The following CSMD2 variants were observed in gnomAD, a reference collection of about 807,000 sequenced individuals.
CSMD2 encodes CUB and sushi domain-containing protein 2.
Under a neutral mutation model 398.5 loss-of-function variants are expected in CSMD2, and 130 were observed. That is an observed-to-expected ratio of 0.33 (90% CI 0.28 to 0.38). The LOEUF is 0.38. CSMD2 is among the 10% of genes least tolerant of loss of function. CSMD2 has a pLI of 1.00. For synonymous variants in CSMD2, 1,828 were observed against 1,908.5 expected, an observed-to-expected ratio of 0.96 and a Z score of 1.10; for missense variants, 3,829 against 4,764.9, an observed-to-expected ratio of 0.80 and a Z score of 5.78.
In CSMD2 at chr1:33,698,827, A is replaced by G. The variant is rs752766843; in HGVS notation, c.3851T>C (p.Leu1284Pro). ...VSFSCDPGYSLRGSEELLCLS... is the reference protein window; with the variant it reads ...VSFSCDPGYSPRGSEELLCLS... The stretch of plus-strand genomic sequence containing the variant: ...ACACAGCAGCTCCTCACTACCCCGC[A>G]GGCTGTATCCAGGGTCACAGCTGAA... The change falls in exon 24 of 71, where the codon CTG becomes CCG. Residue 1284 changes from leucine to proline, a missense_variant. Physicochemically the swap from Leu to Pro is moderately conservative, Grantham distance 98. Around this residue, in one of 5 missense-constraint regions of CSMD2, gnomAD observed 2,001 missense variants for 2,567.1 expected, o/e 0.78. Transcript: ENST00000373381. 1 of 1,614,210 alleles carries G rather than the reference A, an allele frequency of 6.2e-7. No individual in the cohort carries two copies. The highest frequency in any genetic ancestry group is 1.7e-5 in the Admixed American group (1 of 60,020).
At chr1:33,891,600 G>A (rs1227750920) in intron 5 of CSMD2, among the ~76,000 whole-genome samples, 5 of 151,630 alleles carry the variant, frequency 3.3e-5, no homozygotes, top group East Asian at 1.9e-4. Context: ...ACATGCACAC[G>A]TATGTTTATT....
At chr1:33,712,333 C>T (rs1646020305) in intron 21 of CSMD2, among the ~76,000 whole-genome samples, 1 of 152,110 alleles carries the variant, frequency 6.6e-6, no homozygotes, top group Admixed American at 6.5e-5. Context: ...TCCCCGCCAC[C>T]CACGTCACAC....
intron 5 of CSMD2, among the ~76,000 whole-genome samples, chr1:33,909,062 C>T (rs373588453): frequency 7.2e-5 from 11 of 152,290 alleles, no homozygotes; most frequent in South Asian, 4.1e-4. Flanking sequence ...GGGCCTTATT[C>T]GCTTACCAGC....
chr1:33,847,191 T>A (rs1030240508), intron 5 of CSMD2, among the ~76,000 whole-genome samples, 195 bp from the exon 6 acceptor site: 1 of 152,130 alleles, frequency 6.6e-6, no homozygotes, highest in African/African-American at 2.4e-5. Context: ...CTCCAGGGTC[T>A]CATCCCACTG....
At chr1:33,527,437 T>G (rs975637287) in intron 64 of CSMD2, among the ~76,000 whole-genome samples, 179 bp from the exon 65 acceptor site, 1 of 152,208 alleles carries the variant, frequency 6.6e-6, no homozygotes, top group Admixed American at 6.5e-5. Context: ...TATGGATCCC[T>G]CTCAGAATAA....
intron 12 of CSMD2, among the ~76,000 whole-genome samples, chr1:33,781,783 T>C (rs1652799401): frequency 6.6e-6 from 1 of 152,224 alleles, no homozygotes; most frequent in Non-Finnish European, 1.5e-5. Context: ...CTTGTTCTAC[T>C]GGGAAGCAAA....
At chr1:33,517,247 G>A (rs976803681) in intron 70 of CSMD2, among the ~76,000 whole-genome samples, 9 of 152,200 alleles carry the variant, frequency 5.9e-5, no homozygotes, top group Non-Finnish European at 2.9e-5. Flanking sequence ...GGGCAGAAGT[G>A]GTCAGAGGGG....
At chr1:33,946,223 C>G (rs1644832663) in intron 3 of CSMD2, among the ~76,000 whole-genome samples, 1 of 152,138 alleles carries the variant, frequency 6.6e-6, no homozygotes, top group African/African-American at 2.4e-5. Context: ...GAACTTTACT[C>G]TCAGTAATGC....
intron 10 of CSMD2, among the ~76,000 whole-genome samples, chr1:33,808,011 T>G (rs34615217): frequency 6.6e-6 from 1 of 151,886 alleles, no homozygotes; most frequent in African/African-American, 2.4e-5. Flanking sequence ...AAAACATTAC[T>G]ACAGATAAAG....
At chr1:33,538,143 T>C (rs929506193) in intron 60 of CSMD2, among the ~76,000 whole-genome samples, 8 of 152,270 alleles carry the variant, frequency 5.3e-5, no homozygotes, top group African/African-American at 1.9e-4. Flanking sequence ...TTTTCTATTA[T>C]ACAGTTATAT....
At chr1:34,111,095 C>T (rs1661035465) in intron 1 of CSMD2, among the ~76,000 whole-genome samples, 2 of 152,168 alleles carry the variant, frequency 1.3e-5, no homozygotes, top group African/African-American at 4.8e-5. Flanking sequence ...ATTTACTTCA[C>T]AAGAGAAAGG....
chr1:33,555,478 G>A (rs1037875126), intron 55 of CSMD2, among the ~76,000 whole-genome samples: 24 of 152,336 alleles, frequency 1.6e-4, no homozygotes, highest in African/African-American at 5.8e-4. Flanking sequence ...TGAGAAGACT[G>A]ACTGCAATTT....
At chr1:33,520,365 C>T (rs1218972500) in intron 68 of CSMD2, among the ~76,000 whole-genome samples, 1 of 152,196 alleles carries the variant, frequency 6.6e-6, no homozygotes, top group African/African-American at 2.4e-5. Flanking sequence ...GAAGCTGAAG[C>T]ATCTCCTTCT....
intron 3 of CSMD2, among the ~76,000 whole-genome samples, chr1:33,987,996 C>T (rs1646419430): frequency 6.6e-6 from 1 of 152,176 alleles, no homozygotes; most frequent in African/African-American, 2.4e-5. Flanking sequence ...GTAGCTTTAG[C>T]CATTCATGGA....
chr1:34,078,387 C>G (rs969713913), intron 2 of CSMD2, among the ~76,000 whole-genome samples: 2 of 152,084 alleles, frequency 1.3e-5, no homozygotes, highest in African/African-American at 2.4e-5. Context: ...CCTGAAATTC[C>G]CAGTCTAAAA....
At chr1:33,662,830 G>A (rs1353298001) in intron 26 of CSMD2, 60 bp downstream of exon 26, 2 of 1,447,650 alleles carry the variant, frequency 1.4e-6, no homozygotes, top group Non-Finnish European at 1.9e-6. Flanking sequence ...AGGGCCAGAG[G>A]AAGGTGGGTG....
intron 1 of CSMD2, among the ~76,000 whole-genome samples, chr1:34,147,362 T>A (rs565178999): frequency 6.7e-6 from 1 of 149,882 alleles, no homozygotes; most frequent in Non-Finnish European, 1.5e-5. Context: ...TGGGAAGGAG[T>A]GATGGGCAGT....
chr1:33,683,929 T>C (rs752864062), intron 25 of CSMD2, among the ~76,000 whole-genome samples: 1 of 152,232 alleles, frequency 6.6e-6, no homozygotes, highest in Non-Finnish European at 1.5e-5. Flanking sequence ...TAACTTGCTA[T>C]AATTGCTCAG....
At chr1:33,694,601 T>C (rs916117831) in intron 24 of CSMD2, among the ~76,000 whole-genome samples, 3 of 152,200 alleles carry the variant, frequency 2.0e-5, no homozygotes, top group African/African-American at 7.2e-5. Context: ...AGGTGCCTGC[T>C]TCCCCTTCCG....
Sources: gnomAD v4.1 joint callset for allele counts (sites outside exome capture counted in the v4.1 genomes callset) on GRCh38, gnomAD v4.1.1 for gene constraint, gnomAD v4.1.1 regional missense constraint, MANE v1.5 for transcripts, NCBI Gene and HGNC (gene_info 2026-07-23, HGNC 2026-07-21) for gene names.